CDHR5: variants seen among roughly 807,000 people sequenced by gnomAD.
The protein encoded by CDHR5 is cadherin related family member 5.
A neutral mutation model predicts 69.5 loss-of-function variants in CDHR5; 82 were observed. That is an observed-to-expected ratio of 1.18 (90% CI 0.99 to 1.42). The LOEUF (loss-of-function observed/expected upper bound fraction) is 1.42. Among genes scored for constraint, CDHR5 ranks in the 40% most tolerant of loss-of-function variants. CDHR5 has a pLI of 0.00. For synonymous variants in CDHR5, 601 were observed against 510.2 expected (o/e 1.18, Z -2.40); for missense variants, 1,293 against 1,168.9 (o/e 1.11, Z -1.55).
rs114378337 is a variant in CDHR5, at chr11:622,785, C to T, written c.313-881G>A. Among the ~76,000 whole-genome samples the T allele has an allele frequency of 8.5e-3, 1,286 of 152,130 alleles. 12 individuals are homozygous for T. Among genetic ancestry groups the T allele is most frequent in the African/African-American group, 0.03 (1,238 of 41,534 alleles). ...GCCACGGCGCCCAGCCAGGACTCTT[C>T]TTTTTAGAACATAACCACAATGTCG... On this transcript the variant is annotated intron_variant, in intron 3 of 14. Transcript: ENST00000397542.
rs746133763 is a variant in CDHR5 at position 617,687 on chromosome 11, G to A, written c.2202C>T (p.His734=). 2.1e-5 allele frequency: 31 copies of A among 1,474,052 alleles called. No individual in the cohort carries two copies. Among genetic ancestry groups the A allele is most frequent in the Non-Finnish European group, 2.4e-5 (27 of 1,119,506 alleles). The allele number at this position is 1,474,052 out of a possible 1,614,324, so 91.3% of individuals were successfully genotyped here. A position where few individuals can be genotyped will look rare whatever the true frequency, so the allele number is the denominator to read the frequency against. Residue 734 remains histidine, a synonymous_variant, in exon 15 of 15, where the codon CAC becomes CAT. Coordinates refer to ENST00000397542, the MANE Select transcript of CDHR5 (RefSeq NM_021924.5). The stretch of plus-strand genomic sequence containing the variant: ...TCGGTGCCTCCGCGGGCTTGGGGTC[G>A]TGCGTGGGGCTGGGGACGGGCGCCC... ...ANWAPVPSPT[H]DPKPAEAPMP...
intron 3 of CDHR5, among the ~76,000 whole-genome samples, chr11:623,660 G>C (rs1454056401): frequency 6.6e-6 from 1 of 152,098 alleles, no homozygotes; most frequent in East Asian, 1.9e-4. Context: ...AGCCGTGGAG[G>C]GCTGGGGTGG....
At position 617,982 on chromosome 11, in the gene CDHR5, CG is replaced by C. The variant is rs1392876340; in HGVS notation, c.2089del (p.Arg697GlyfsTer78). On this transcript the variant is annotated frameshift_variant, in exon 14 of 15. Transcript: ENST00000397542. LOFTEE classifies it low-confidence loss of function (END_TRUNC). ...AVLVHKHYGP[R>X]LKCCCGKAPE... ...AGCTTTGCCACAGCAGCACTTGAGC[CG>C]GGGGCCATAGTGCTTGTGGACAAGG... 3.1e-6 allele frequency: 5 copies of C among 1,611,816 alleles called. No individual in the cohort carries two copies. The highest frequency in any genetic ancestry group is 4.2e-6 in the Non-Finnish European group (5 of 1,179,602).
Position 619,504 on chromosome 11 carries a change from T to C in CDHR5, c.1263A>G (p.Thr421=). 1 of 1,613,574 alleles carries C rather than the reference T, an allele frequency of 6.2e-7. No homozygotes were observed. The highest frequency in any genetic ancestry group is 2.2e-5 in the East Asian group (1 of 44,822). The change falls in exon 11 of 15, where the codon ACA becomes ACG. Residue 421 remains threonine (T), a synonymous_variant. Coordinates refer to ENST00000397542, the MANE Select transcript of CDHR5 (RefSeq NM_021924.5). Reference sequence around the variant, plus strand: ...CGTAGAAGGCTCCCGCCTGTGCCAGTGTGGTGGTGGTCAGCACAACCTCTC... The same window carrying C: ...CGTAGAAGGCTCCCGCCTGTGCCAGCGTGGTGGTGGTCAGCACAACCTCTC... The part of the protein sequence containing the change: ...MEGEVVLTTT[T]LAQAGAFYAE...
In CDHR5 at chr11:621,779, C is replaced by T. The variant is rs1236102937; in HGVS notation, c.405+33G>A. 25 of 1,590,716 alleles carry T rather than the reference C, an allele frequency of 1.6e-5. No individual in the cohort carries two copies. Among genetic ancestry groups the T allele is most frequent in the South Asian group, 1.3e-4 (12 of 90,134 alleles). On this transcript the variant is annotated intron_variant, in intron 4 of 14. Transcript: ENST00000397542. This position sits in a 1 kb window ranked among gnomAD's most constrained non-coding sequence, Gnocchi z 4.4. ...CCCTCACCCTGGGCTCCCACACCCCCGTGCCCAGTCCCCGCGGCTTCGCTG... is the reference window on the plus strand; with the variant it reads ...CCCTCACCCTGGGCTCCCACACCCCTGTGCCCAGTCCCCGCGGCTTCGCTG...
intron 3 of CDHR5, among the ~76,000 whole-genome samples, chr11:623,626 C>G (rs1857546857): frequency 6.6e-6 from 1 of 151,614 alleles, no homozygotes; most frequent in Admixed American, 6.6e-5. Flanking sequence ...CACAGTATGT[C>G]TGGGTTTGAC....
intron 13 of CDHR5, 147 bp downstream of exon 13, chr11:618,452 C>T: frequency 1.0e-6 from 1 of 978,364 alleles, no homozygotes; most frequent in Non-Finnish European, 1.5e-6. Context: ...GGGCCTTGGG[C>T]CTGTCTGTGT....
intron 13 of CDHR5, among the ~76,000 whole-genome samples, 187 bp from the exon 14 acceptor site, chr11:618,298 T>TC (rs1049517975): frequency 6.6e-6 from 1 of 150,418 alleles, no homozygotes; most frequent in Non-Finnish European, 1.5e-5. Context: ...GCCCACCCCC[T>TC]CCCCCCCGGG....
At position 621,755 on chromosome 11, in the gene CDHR5, C is replaced by T. The variant is rs1326211876; in HGVS notation, c.405+57G>A. The T allele has an allele frequency of 1.8e-5, 28 of 1,568,762 alleles. No homozygotes were observed. The highest frequency in any genetic ancestry group is 2.4e-5 in the Non-Finnish European group (27 of 1,140,372). ...CCCCCGGCCACCACTCACCTCCTGC[C>T]CTCACCCTGGGCTCCCACACCCCCG... is the stretch of plus-strand genomic sequence containing the variant. On this transcript the variant is annotated intron_variant, in intron 4 of 14. Transcript: ENST00000397542. This position sits in a 1 kb window ranked among gnomAD's most constrained non-coding sequence, Gnocchi z 4.4.
In CDHR5 at chr11:617,233, C is replaced by T. The variant is rs1266575574; in HGVS notation, c.*118G>A. 1.1e-5 allele frequency: 9 copies of T among 795,858 alleles called. No individual in the cohort carries two copies. Among genetic ancestry groups the T allele is most frequent in the Non-Finnish European group, 1.8e-5 (9 of 495,286 alleles). The allele number at this position is 795,858 out of a possible 1,614,324, so 49.3% of individuals were successfully genotyped here. A position where few individuals can be genotyped will look rare whatever the true frequency, so the allele number is the denominator to read the frequency against. ...AATGGGACCCCCATGGACCCGCGCG[C>T]CTGCCCCACGCCATGGCCTGGGTTT... On this transcript the variant is annotated 3_prime_UTR_variant, in exon 15 of 15. Coordinates refer to ENST00000397542, the MANE Select transcript of CDHR5 (RefSeq NM_021924.5).
At position 624,877 on chromosome 11, in the gene CDHR5, G is replaced by A. The variant is rs552692150; in HGVS notation, c.26C>T (p.Pro9Leu). Residue 9 changes from proline (P) to leucine (L), a missense_variant, in exon 1 of 15, where the codon CCT (proline) becomes CTT (leucine). Coordinates refer to ENST00000397542, the MANE Select transcript of CDHR5 (RefSeq NM_021924.5). The surrounding 1 kb of genome is among the most constrained non-coding windows in gnomAD (Gnocchi z 5.3). MGSWALLW[P>L]PLLFTGLLVR... ...GAGCAGCCCGGTGAACAGCAGGGGA[G>A]GCCACAGCAGGGCCCAAGACCCCAT... 6.4e-7 allele frequency: 1 copy of A among 1,569,236 alleles called. No individual in the cohort carries two copies. The highest frequency in any genetic ancestry group is 8.6e-7 in the Non-Finnish European group (1 of 1,159,992).
Position 621,679 on chromosome 11 carries a change from G to T in CDHR5, c.406-16C>A. ...CTTTCGTGTCCTGGGGAGGGAGAGGGGCTTGGTCCGGCCACACTCTTGGCC... is the reference window on the plus strand; with the variant it reads ...CTTTCGTGTCCTGGGGAGGGAGAGGTGCTTGGTCCGGCCACACTCTTGGCC... On this transcript the variant is annotated splice_polypyrimidine_tract_variant and intron_variant, in intron 4 of 14. Transcript: ENST00000397542. This position sits in a 1 kb window ranked among gnomAD's most constrained non-coding sequence, Gnocchi z 4.4. 2 of 1,593,682 alleles carry T rather than the reference G, an allele frequency of 1.3e-6. No individual in the cohort carries two copies. Among genetic ancestry groups the T allele is most frequent in the South Asian group, 2.2e-5 (2 of 90,736 alleles).
chr11:621,256 A>C lies in CDHR5; in HGVS notation c.619-6T>G, dbSNP rs374536118. ...ACATTCTCCCCCGGAGTGTCCTGCA[A>C]CAGACGGCTGTGCTGGATCAGGCCT... is the stretch of plus-strand genomic sequence containing the variant. On this transcript the variant is annotated splice_region_variant and splice_polypyrimidine_tract_variant and intron_variant, in intron 6 of 14. Transcript: ENST00000397542. The surrounding 1 kb of genome is among the most constrained non-coding windows in gnomAD (Gnocchi z 4.4). 6.2e-7 allele frequency: 1 copy of C among 1,602,964 alleles called. No homozygotes were observed. The highest frequency in any genetic ancestry group is 2.2e-5 in the East Asian group (1 of 44,696).
chr11:618,814 A>G lies in CDHR5; in HGVS notation c.1745T>C (p.Met582Thr), dbSNP rs1192886384. The G allele has an allele frequency of 6.2e-7, 1 of 1,606,666 alleles. No homozygotes were observed. Among genetic ancestry groups the G allele is most frequent in the South Asian group, 1.1e-5 (1 of 90,820 alleles). Residue 582 changes from methionine (M) to threonine (T), a missense_variant, in exon 13 of 15, where the codon ATG becomes ACG. Transcript: ENST00000397542. Reference protein sequence around the residue: ...QTPEPGTSQPMPPSMGTSTSH... With the variant: ...QTPEPGTSQPTPPSMGTSTSH... ...GGTGCTGGTTCCCATACTGGGGGGC[A>G]TCGGCTGAGAGGTTCCTGGCTCTGG...
chr11:624,159 C>T lies in CDHR5; in HGVS notation c.312+54G>A. Reference sequence around the variant, plus strand: ...AAAGACTGGTCCTGGACCGGCAGGGCAGAGCCCAGCAGAGGTGGCCGGGTG... The same window carrying T: ...AAAGACTGGTCCTGGACCGGCAGGGTAGAGCCCAGCAGAGGTGGCCGGGTG... On this transcript the variant is annotated intron_variant, in intron 3 of 14. Transcript: ENST00000397542. The surrounding 1 kb of genome is among the most constrained non-coding windows in gnomAD (Gnocchi z 5.3). 1.4e-6 allele frequency: 1 copy of T among 727,250 alleles called. No homozygotes were observed. The highest frequency in any genetic ancestry group is 2.6e-6 in the Non-Finnish European group (1 of 391,706). 45.0% of individuals were successfully genotyped at this position (727,250 alleles called of 1,614,324 possible).
At position 624,620 on chromosome 11, in the gene CDHR5, G is replaced by C. The variant is rs756419989; in HGVS notation, c.198C>G (p.Ser66=). ...EGQEVTLGAL[S]TPFAFRIQGN... Reference sequence around the variant, plus strand: ...CCTGGATCCGAAATGCAAAGGGGGTGGACAAGGCTCCGAGGGTCACCTCCT... The same window carrying C: ...CCTGGATCCGAAATGCAAAGGGGGTCGACAAGGCTCCGAGGGTCACCTCCT... The change falls in exon 2 of 15, where the codon TCC becomes TCG. Residue 66 remains serine (S), a synonymous_variant. Coordinates refer to ENST00000397542, the MANE Select transcript of CDHR5 (RefSeq NM_021924.5). This position sits in a 1 kb window ranked among gnomAD's most constrained non-coding sequence, Gnocchi z 5.3. 6.2e-7 allele frequency: 1 copy of C among 1,612,968 alleles called. No individual in the cohort carries two copies. Among genetic ancestry groups the C allele is most frequent in the Admixed American group, 1.7e-5 (1 of 59,968 alleles).
intron 3 of CDHR5, among the ~76,000 whole-genome samples, chr11:622,487 C>T (rs1157121252): frequency 2.0e-5 from 3 of 149,150 alleles, no homozygotes; most frequent in East Asian, 4.0e-4. Flanking sequence ...GATACAGTCT[C>T]GCTCTGTCGT....
At position 617,145 on chromosome 11, in the gene CDHR5, C is replaced by G; in HGVS notation, c.*206G>C. On this transcript the variant is annotated 3_prime_UTR_variant, in exon 15 of 15. Coordinates refer to ENST00000397542, the MANE Select transcript of CDHR5 (RefSeq NM_021924.5). ...CAGCCTTGGGGTGGGGACAGCGTGG[C>G]CAGACCCACCGCCTCATCTGCACAC... 3 of 585,702 alleles carry G rather than the reference C, an allele frequency of 5.1e-6. No homozygotes were observed. Among genetic ancestry groups the G allele is most frequent in the Non-Finnish European group, 6.1e-6 (2 of 326,518 alleles). 36.3% of individuals were successfully genotyped at this position (585,702 alleles called of 1,614,324 possible). A position where few individuals can be genotyped will look rare whatever the true frequency, so the allele number is the denominator to read the frequency against.
intron 3 of CDHR5, among the ~76,000 whole-genome samples, chr11:623,483 C>G (rs897187586): frequency 2.6e-5 from 4 of 152,108 alleles, no homozygotes; most frequent in African/African-American, 9.7e-5. Flanking sequence ...GGTCAAGAAG[C>G]AGGATGTTGG....
Sources: allele counts gnomAD v4.1 joint callset (sites outside exome capture counted in the v4.1 genomes callset), GRCh38; gene constraint gnomAD v4.1.1; non-coding constraint Gnocchi (gnomAD v3.1); transcripts MANE v1.5; gene names NCBI Gene and HGNC (gene_info 2026-07-23, HGNC 2026-07-21).